The following APOH variants were observed in gnomAD, a reference collection of about 807,000 sequenced individuals.
APOH encodes the protein beta-2-glycoprotein 1.
Under a neutral mutation model 39.8 loss-of-function variants are expected in APOH, and 48 were observed. The observed-to-expected ratio is 1.21, with a 90% CI of 0.96 to 1.54. The LOEUF (loss-of-function observed/expected upper bound fraction) is 1.54, where lower values mean the gene tolerates loss of function less well. Ranked by LOEUF, APOH falls within the 40% of genes most tolerant of loss-of-function variation. The pLI is 0.00. For missense variants in APOH, 415 were observed against 421.2 expected (o/e 0.99, Z 0.13); for synonymous variants, 153 against 151.1 (o/e 1.01, Z -0.09).
chr17:66,223,083 A>G lies in APOH; in HGVS notation c.415+615T>C, dbSNP rs8178916. Among the ~76,000 whole-genome samples, 470 of 152,270 alleles carry G rather than the reference A, an allele frequency of 3.1e-3. 5 individuals carry two copies. The highest frequency in any genetic ancestry group is 0.011 in the African/African-American group (460 of 41,554). ...AACAGTGCTTTTTGGAGGAATGCCA[A>G]TCAGCTCCTAGGATGCAAGCCCCTT... On this transcript the variant is annotated intron_variant, in intron 4 of 7. Transcript: ENST00000205948.
chr17:66,220,811 G>T, intron 4 of APOH, 69 bp from the exon 5 acceptor site: 3 of 1,235,874 alleles, frequency 2.4e-6, no homozygotes, highest in Non-Finnish European at 3.3e-6. Context: ...TTTCCAGAAA[G>T]AAAAAAAAAA....
At chr17:66,218,101 A>G (rs2073376236) in intron 5 of APOH, among the ~76,000 whole-genome samples, 1 of 152,248 alleles carries the variant, frequency 6.6e-6, no homozygotes. Flanking sequence ...TAATTGACAG[A>G]TTCAAGGATC....
At chr17:66,225,139 C>T (rs1396159234) in intron 3 of APOH, among the ~76,000 whole-genome samples, 1 of 152,000 alleles carries the variant, frequency 6.6e-6, no homozygotes, top group African/African-American at 2.4e-5. Context: ...TGTTACCAGA[C>T]CCATTGGTAG....
Position 66,220,617 on chromosome 17 carries a change from A to G in APOH, c.541T>C (p.Phe181Leu). The change falls in exon 5 of 8, where the codon TTT becomes CTT. Residue 181 changes from phenylalanine (F) to leucine (L), a missense_variant. This residue lies in a region of APOH where 288 missense variants were observed against 284.9 expected (regional missense o/e 1.01). Transcript: ENST00000205948. ...VFECLPQHAM[F>L]GNDTITCTTH... Reference sequence around the variant, plus strand: ...GTGCAGGTAATTGTATCATTTCCAAACATCGCATGTTGTGGCAAACATTCA... The same window carrying G: ...GTGCAGGTAATTGTATCATTTCCAAGCATCGCATGTTGTGGCAAACATTCA... 1.2e-6 allele frequency: 2 copies of G among 1,614,150 alleles called. No individual in the cohort carries two copies. The highest frequency in any genetic ancestry group is 1.7e-6 in the Non-Finnish European group (2 of 1,180,032).
chr17:66,221,293 GTCA>G (rs768910299), intron 4 of APOH, among the ~76,000 whole-genome samples: 535 of 120,926 alleles, frequency 4.4e-3, no homozygotes, highest in African/African-American at 5.5e-3. Flanking sequence ...AAGGAAGGAA[GTCA>G]GAAGGGAGGG....
intron 7 of APOH, among the ~76,000 whole-genome samples, chr17:66,212,710 G>A (rs2146989563): frequency 6.6e-6 from 1 of 152,254 alleles, no homozygotes; most frequent in East Asian, 1.9e-4. Context: ...TAAAATTAAA[G>A]GTTCTATATA....
chr17:66,220,249 A>G (rs1659523541), intron 5 of APOH, among the ~76,000 whole-genome samples: 1 of 152,236 alleles, frequency 6.6e-6, no homozygotes, highest in South Asian at 2.1e-4. Flanking sequence ...CATGTGTGGT[A>G]TGCCTTCTCC....
At position 66,221,215 on chromosome 17, in the gene APOH, GAAAT is replaced by G. The variant is rs756081043; in HGVS notation, c.416-477_416-474del. Among the ~76,000 whole-genome samples, 32 of 130,248 alleles carry G rather than the reference GAAAT, an allele frequency of 2.5e-4. No homozygotes were observed. In the South Asian group the frequency reaches 3.1e-3, roughly 13 times the overall value. 85.4% of individuals were successfully genotyped at this position (130,248 alleles called of 152,430 possible). ...CAGAAAAGAGAAAGAAAGAAGGAAG[GAAAT>G]AAATAAATAAATAAATAAAGACAGA... On this transcript the variant is annotated intron_variant, in intron 4 of 7. Coordinates refer to ENST00000205948, the MANE Select transcript of APOH (RefSeq NM_000042.3).
At chr17:66,215,965 T>C (rs983222981) in intron 6 of APOH, among the ~76,000 whole-genome samples, 4 of 152,024 alleles carry the variant, frequency 2.6e-5, no homozygotes, top group African/African-American at 9.7e-5. Flanking sequence ...GTTGCCTCCT[T>C]ATAATATCCC....
In APOH at chr17:66,216,968, C is replaced by CAA. The variant is rs774602347; in HGVS notation, c.605-2_605-1insTT. 2.0e-5 allele frequency: 31 copies of CAA among 1,584,178 alleles called. No individual in the cohort carries two copies. Among genetic ancestry groups the CAA allele is most frequent in the Non-Finnish European group, 2.7e-5 (31 of 1,167,602 alleles). The stretch of plus-strand genomic sequence containing the variant: ...CTTGATGGGAATGGGCATTTTACTT[C>CAA]TAAAACATTTATTCAATAAGACATA... On this transcript the variant is annotated splice_acceptor_variant, in intron 5 of 7. Transcript: ENST00000205948. LOFTEE classifies it high-confidence loss of function.
chr17:66,216,266 T>A (rs1033521632), intron 6 of APOH, among the ~76,000 whole-genome samples: 1 of 151,716 alleles, frequency 6.6e-6, no homozygotes, highest in Non-Finnish European at 1.5e-5. Context: ...GCGGATCACC[T>A]GAGGTCAGGA....
chr17:66,223,895 G>C, intron 3 of APOH, 121 bp from the exon 4 acceptor site: 1 of 859,816 alleles, frequency 1.2e-6, no homozygotes, highest in Non-Finnish European at 1.8e-6. Context: ...ATCGTATAAT[G>C]CTGTCTTCCT....
At chr17:66,225,067 A>G (rs1016990293) in intron 3 of APOH, among the ~76,000 whole-genome samples, 2 of 150,446 alleles carry the variant, frequency 1.3e-5, no homozygotes, top group Admixed American at 6.6e-5. Flanking sequence ...AAGAAAGGAA[A>G]AAAAAAAAAA....
chr17:66,219,901 C>A (rs570881950), intron 5 of APOH, among the ~76,000 whole-genome samples: 1 of 151,978 alleles, frequency 6.6e-6, no homozygotes, highest in South Asian at 2.1e-4. Context: ...CAGAGTGAGA[C>A]TATCTCAAAA....
At chr17:66,227,917 T>C (rs2073449193) in intron 2 of APOH, 103 bp downstream of exon 2, 6 of 1,267,924 alleles carry the variant, frequency 4.7e-6, no homozygotes, top group Middle Eastern at 2.8e-4. Context: ...TTCTGCAGCA[T>C]CTACTGGCCC....
chr17:66,216,815 T>C lies in APOH; in HGVS notation c.757A>G (p.Asn253Asp). The change falls in exon 6 of 8, where the codon AAC (asparagine) becomes GAC (aspartate). Residue 253 changes from asparagine to aspartate, a missense_variant. This residue lies in a region of APOH where 120 missense variants were observed against 110.6 expected (regional missense o/e 1.08). Coordinates refer to ENST00000205948, the MANE Select transcript of APOH (RefSeq NM_000042.3). Reference protein sequence around the residue: ...PEEIECTKLGNWSAMPSCKAS... With the variant: ...PEEIECTKLGDWSAMPSCKAS... ...TTACAACTTGGCATGGCAGACCAGTTTCCCAGTTTGGTACATTCTATTTCT... is the reference window on the plus strand; with the variant it reads ...TTACAACTTGGCATGGCAGACCAGTCTCCCAGTTTGGTACATTCTATTTCT... 6.2e-7 allele frequency: 1 copy of C among 1,606,350 alleles called. No homozygotes were observed. Among genetic ancestry groups the C allele is most frequent in the Non-Finnish European group, 8.5e-7 (1 of 1,177,080 alleles).
At chr17:66,224,107 T>G (rs1447383825) in intron 3 of APOH, among the ~76,000 whole-genome samples, 1 of 152,076 alleles carries the variant, frequency 6.6e-6, no homozygotes, top group African/African-American at 2.4e-5. Flanking sequence ...CCAAACTGAG[T>G]AATCTTCATT....
chr17:66,217,986 A>AC (rs2073375671), intron 5 of APOH, among the ~76,000 whole-genome samples: 1 of 151,890 alleles, frequency 6.6e-6, no homozygotes, highest in African/African-American at 2.4e-5. Context: ...ATACTAAAAA[A>AC]TGGTGGATGG....
chr17:66,220,358 C>T (rs558207319), intron 5 of APOH, among the ~76,000 whole-genome samples, 196 bp downstream of exon 5: 1 of 152,304 alleles, frequency 6.6e-6, no homozygotes, highest in East Asian at 1.9e-4. Context: ...ATTTATAATT[C>T]CCTTGGGTCA....
Sources: allele counts gnomAD v4.1 joint callset (sites outside exome capture counted in the v4.1 genomes callset), GRCh38; gene constraint gnomAD v4.1.1; regional missense constraint gnomAD v4.1.1; transcripts MANE v1.5; gene names NCBI Gene and HGNC (gene_info 2026-07-23, HGNC 2026-07-21).